Variants in GALNT13 observed in about 807,000 individuals in gnomAD.
The protein encoded by GALNT13 is polypeptide N-acetylgalactosaminyltransferase 13.
GALNT13 carries 28 observed loss-of-function variants against 64.2 expected under a neutral mutation model. The ratio of observed to expected loss-of-function variants is 0.44; its 90% confidence interval spans 0.32 to 0.60. The LOEUF is 0.60. Among genes scored for constraint, GALNT13 ranks in the 20% least tolerant of loss-of-function variants. The pLI, the probability that GALNT13 is intolerant of heterozygous loss-of-function variation, is 0.05. For synonymous variants in GALNT13, 214 were observed against 224.6 expected (o/e 0.95, Z 0.42); for missense variants, 577 against 669.8 (o/e 0.86, Z 1.53).
At chr2:153,730,454 A>G in the GALNT13 span, among the ~76,000 whole-genome samples, 1 of 151,930 alleles carries the variant, frequency 6.6e-6, no homozygotes, top group Non-Finnish European at 1.5e-5. Flanking sequence ...ATGAATTAAC[A>G]AGTTAAATAT....
At chr2:153,125,920 G>A in the GALNT13 span, among the ~76,000 whole-genome samples, 296 of 152,102 alleles carry the variant, frequency 1.9e-3, 2 homozygotes, top group African/African-American at 6.6e-3. Context: ...CAAGTGTGAT[G>A]ATAACATAGA....
At chr2:153,776,713 A>C in the GALNT13 span, among the ~76,000 whole-genome samples, 1 of 152,194 alleles carries the variant, frequency 6.6e-6, no homozygotes, top group East Asian at 1.9e-4. Context: ...CACCTTCTAT[A>C]ACAATCTTTG....
chr2:154,215,629 C>T (rs544673856), intron 4 of GALNT13, among the ~76,000 whole-genome samples: 8 of 152,064 alleles, frequency 5.3e-5, no homozygotes, highest in East Asian at 3.9e-4. Context: ...TCTTCGTATC[C>T]GGTAGCTCTT....
At chr2:153,896,111 A>G (rs959111216) in intron 1 of GALNT13, among the ~76,000 whole-genome samples, 4 of 50,530 alleles carry the variant, frequency 7.9e-5, no homozygotes, top group East Asian at 1.1e-3. Flanking sequence ...ATTAAAAAAA[A>G]CTTGCCACTT....
chr2:153,255,628 C>T, the GALNT13 span, among the ~76,000 whole-genome samples: 3 of 151,952 alleles, frequency 2.0e-5, no homozygotes, highest in South Asian at 2.1e-4. Flanking sequence ...CCATGTTTAG[C>T]ACTTCCTTCA....
At chr2:153,863,769 G>A in the GALNT13 span, among the ~76,000 whole-genome samples, 3 of 152,002 alleles carry the variant, frequency 2.0e-5, no homozygotes, top group Non-Finnish European at 4.4e-5. Flanking sequence ...TATGTACTAT[G>A]TGCCAGATAT....
intron 3 of GALNT13, among the ~76,000 whole-genome samples, chr2:154,078,376 T>C (rs1229866694): frequency 6.6e-6 from 1 of 151,568 alleles, no homozygotes; most frequent in Non-Finnish European, 1.5e-5. Flanking sequence ...TATATGCACA[T>C]ATTTTCTTCT....
At chr2:153,425,333 TAAAAC>T in the GALNT13 span, among the ~76,000 whole-genome samples, 2 of 151,724 alleles carry the variant, frequency 1.3e-5, no homozygotes, top group East Asian at 1.9e-4. Context: ...TATTAAAAAT[TAAAAC>T]AAGAATACAT....
At chr2:153,948,455 A>G (rs1691930727) in intron 3 of GALNT13, among the ~76,000 whole-genome samples, 1 of 152,048 alleles carries the variant, frequency 6.6e-6, no homozygotes, top group African/African-American at 2.4e-5. Context: ...TGATTGATTC[A>G]TCAGAGACCT....
At chr2:153,296,877 C>T in the GALNT13 span, among the ~76,000 whole-genome samples, 1 of 152,034 alleles carries the variant, frequency 6.6e-6, no homozygotes, top group African/African-American at 2.4e-5. Context: ...TATGTAGCTC[C>T]CTAAATCACA....
chr2:153,962,026 T>G (rs1692982589), intron 3 of GALNT13, among the ~76,000 whole-genome samples: 1 of 152,130 alleles, frequency 6.6e-6, no homozygotes, highest in East Asian at 1.9e-4. Context: ...TTTATATATA[T>G]GATTAAGAAA....
chr2:154,134,026 T>C (rs1251016869), intron 3 of GALNT13, among the ~76,000 whole-genome samples: 3 of 152,046 alleles, frequency 2.0e-5, no homozygotes, highest in Non-Finnish European at 4.4e-5. Context: ...CAGGGGAAAG[T>C]ACATGGAGAA....
chr2:153,640,498 G>T, the GALNT13 span, among the ~76,000 whole-genome samples: 1 of 152,102 alleles, frequency 6.6e-6, no homozygotes, highest in Non-Finnish European at 1.5e-5. Flanking sequence ...GTTTGTCAGG[G>T]CCCGGCATGG....
chr2:153,540,575 G>A, the GALNT13 span, among the ~76,000 whole-genome samples: 2 of 152,198 alleles, frequency 1.3e-5, no homozygotes, highest in Admixed American at 6.5e-5. Context: ...ACCTGGAACA[G>A]CCACAGGTAC....
At chr2:153,480,185 C>G in the GALNT13 span, among the ~76,000 whole-genome samples, 26 of 152,290 alleles carry the variant, frequency 1.7e-4, no homozygotes, top group South Asian at 1.0e-3. Context: ...AAAATAGTAG[C>G]TGTCTTGCCA....
At chr2:154,018,650 G>A (rs1359791623) in intron 3 of GALNT13, among the ~76,000 whole-genome samples, 1 of 151,754 alleles carries the variant, frequency 6.6e-6, no homozygotes, top group Non-Finnish European at 1.5e-5. Flanking sequence ...GGGAGATGCA[G>A]AGAGAATGAT....
chr2:153,854,262 T>C, the GALNT13 span, among the ~76,000 whole-genome samples: 8 of 151,692 alleles, frequency 5.3e-5, no homozygotes, highest in East Asian at 1.4e-3. Flanking sequence ...TAAGATATTT[T>C]ATATAAAAAA....
intron 4 of GALNT13, among the ~76,000 whole-genome samples, chr2:154,169,415 T>C (rs1456637304): frequency 6.6e-6 from 1 of 152,168 alleles, no homozygotes; most frequent in Non-Finnish European, 1.5e-5. Context: ...AGAAGAATTA[T>C]ATGAACACAA....
At chr2:153,949,856 TG>T (rs1008341493) in intron 3 of GALNT13, among the ~76,000 whole-genome samples, 2 of 151,832 alleles carry the variant, frequency 1.3e-5, no homozygotes, top group Non-Finnish European at 2.9e-5. Context: ...TGCAGATCAG[TG>T]GGGAAAAGAG....
Sources: gnomAD v4.1 joint callset for allele counts (sites outside exome capture counted in the v4.1 genomes callset) on GRCh38, gnomAD v4.1.1 for gene constraint, MANE v1.5 for transcripts, NCBI Gene and HGNC (gene_info 2026-07-23, HGNC 2026-07-21) for gene names.